TMEM18: variants seen among roughly 807,000 people sequenced by gnomAD.
TMEM18 encodes the protein transmembrane protein 18.
In TMEM18, 14 loss-of-function variants were observed where a neutral mutation model predicts 17.4. The observed-to-expected ratio is 0.80, with a 90% CI of 0.53 to 1.25. TMEM18 has a LOEUF of 1.25. Ranked by LOEUF, TMEM18 falls within the 50% of genes most tolerant of loss-of-function variation. The pLI, the probability that TMEM18 is intolerant of heterozygous loss-of-function variation, is 0.00. For synonymous variants in TMEM18, 86 were observed against 66.1 expected, an observed-to-expected ratio of 1.30 and a Z score of -1.46; for missense variants, 187 against 172.1, an observed-to-expected ratio of 1.09 and a Z score of -0.48.
chr2:669,514 C>T lies in TMEM18; in HGVS notation c.*66G>A, dbSNP rs902642772. The T allele has an allele frequency of 6.0e-6, 9 of 1,507,128 alleles. No homozygotes were observed. In the African/African-American group the frequency reaches 8.3e-5, roughly 14 times the overall value. The allele number at this position is 1,507,128 out of a possible 1,614,324, so 93.4% of individuals were successfully genotyped here. On this transcript the variant is annotated 3_prime_UTR_variant, in exon 5 of 5. Transcript: ENST00000281017. ...GCTGGAAGGATGCCCACGCCACGCA[C>T]ACTGCAGCACTGGGAGCTGCACTGG...
At position 668,661 on chromosome 2, in the gene TMEM18, C is replaced by T. The variant is rs1405251929; in HGVS notation, c.*919G>A. The T allele has an allele frequency of 6.6e-6, 1 of 152,226 alleles. No homozygotes were observed. Among genetic ancestry groups the T allele is most frequent in the African/African-American group, 2.4e-5 (1 of 41,446 alleles). 9.4% of individuals were successfully genotyped at this position (152,226 alleles called of 1,614,324 possible). A position where few individuals can be genotyped will look rare whatever the true frequency, so the allele number is the denominator to read the frequency against. ...TCTCTAACCACCTGTCATTCTTAAA[C>T]TACAGGTCCACATTTGACAGGAACC... is the stretch of plus-strand genomic sequence containing the variant. On this transcript the variant is annotated 3_prime_UTR_variant, in exon 5 of 5. Coordinates refer to ENST00000281017, the MANE Select transcript of TMEM18 (RefSeq NM_152834.4).
chr2:669,661 C>G lies in TMEM18; in HGVS notation c.342G>C (p.Trp114Cys). The G allele has an allele frequency of 6.2e-7, 1 of 1,614,128 alleles. No individual in the cohort carries two copies. Among genetic ancestry groups the G allele is most frequent in the East Asian group, 2.2e-5 (1 of 44,880 alleles). ...GGTCAGTCATCACATTCAAAGTCTT[C>G]CATACCCACATAACCTAAACACAAT... Reference protein sequence around the residue: ...NAMIIVVMWVWKTLNVMTDLK... With the variant: ...NAMIIVVMWVCKTLNVMTDLK... The change falls in exon 5 of 5, where the codon TGG becomes TGC. Residue 114 changes from tryptophan (W) to cysteine (C), a missense_variant. Physicochemically the swap from Trp to Cys is radical, Grantham distance 215. Coordinates refer to ENST00000281017, the MANE Select transcript of TMEM18 (RefSeq NM_152834.4).
At chr2:671,445 G>A (rs34628977) in intron 3 of TMEM18, among the ~76,000 whole-genome samples, 6 of 60,726 alleles carry the variant, frequency 9.9e-5, no homozygotes, top group Admixed American at 1.5e-4. Context: ...CTGCATCCGG[G>A]AGGAGAGGCA....
chr2:673,892 G>T (rs1298552391), intron 2 of TMEM18, among the ~76,000 whole-genome samples: 1 of 150,674 alleles, frequency 6.6e-6, no homozygotes, highest in Admixed American at 6.6e-5. Context: ...GAGGGCTGAC[G>T]TTACAGGGGG....
Position 677,330 on chromosome 2 carries a change from A to G in TMEM18, c.16T>C (p.Ser6Pro), listed in dbSNP as rs145366536. ...ATGCTGACGGGGAAAGAGCTGACAG[A>G]GAAGGCGGACGGCATGGTGTTGGGA... MPSAF[S>P]VSSFPVSIPA... Residue 6 changes from serine (S) to proline (P), a missense_variant, in exon 1 of 5, where the codon TCT becomes CCT. Ser to Pro is a moderately conservative substitution (Grantham distance 74, BLOSUM62 -1). Transcript: ENST00000281017. The G allele has an allele frequency of 6.8e-6, 11 of 1,612,380 alleles. No individual in the cohort carries two copies. The highest frequency in any genetic ancestry group is 8.5e-6 in the Non-Finnish European group (10 of 1,179,854).
Position 669,524 on chromosome 2 carries a change from C to G in TMEM18, c.*56G>C, listed in dbSNP as rs1001039928. On this transcript the variant is annotated 3_prime_UTR_variant, in exon 5 of 5. Coordinates refer to ENST00000281017, the MANE Select transcript of TMEM18 (RefSeq NM_152834.4). Reference sequence around the variant, plus strand: ...TGCCCACGCCACGCACACTGCAGCACTGGGAGCTGCACTGGGTGGACGGGA... The same window carrying G: ...TGCCCACGCCACGCACACTGCAGCAGTGGGAGCTGCACTGGGTGGACGGGA... The G allele has an allele frequency of 1.9e-6, 3 of 1,571,586 alleles. No homozygotes were observed. In the African/African-American group the frequency reaches 4.1e-5, roughly 21 times the overall value.
In TMEM18 at chr2:664,297, A is replaced by C. The variant is rs1678618689; in HGVS notation, c.*5283T>G. On this transcript the variant is annotated 3_prime_UTR_variant, in exon 5 of 5. Coordinates refer to ENST00000281017, the MANE Select transcript of TMEM18 (RefSeq NM_152834.4). ...GGAGGAGGTGGAACCTCAGCTCTTC[A>C]CAGTTCCTGATGATACATAAAGCAA... Among the ~76,000 whole-genome samples, 1 of 152,222 alleles carries C rather than the reference A, an allele frequency of 6.6e-6. No individual in the cohort carries two copies. The highest frequency in any genetic ancestry group is 6.5e-5 in the Admixed American group (1 of 15,288).
chr2:672,962 C>G lies in TMEM18; in HGVS notation c.179-100G>C, dbSNP rs1022229542. 2.6e-6 allele frequency: 3 copies of G among 1,148,912 alleles called. No homozygotes were observed. In the African/African-American group the frequency reaches 4.9e-5, roughly 19 times the overall value. The allele number at this position is 1,148,912 out of a possible 1,614,324, so 71.2% of individuals were successfully genotyped here. A position where few individuals can be genotyped will look rare whatever the true frequency, so the allele number is the denominator to read the frequency against. ...AGCAGAATACTGAATAGAAATGTCA[C>G]TTTAATTTTAAACATAACATCAGGT... On this transcript the variant is annotated intron_variant, in intron 2 of 4. Transcript: ENST00000281017.
rs1190483342 is a variant in TMEM18, at chr2:666,235, C to T, written c.*3345G>A. Among the ~76,000 whole-genome samples, 2 of 152,218 alleles carry T rather than the reference C, an allele frequency of 1.3e-5. No individual in the cohort carries two copies. The highest frequency in any genetic ancestry group is 4.8e-5 in the African/African-American group (2 of 41,456). Reference sequence around the variant, plus strand: ...GGCAGTAGCCCTGAGGCTTACAGAGCAGACCCTATGGCCACATGCTTGGAC... The same window carrying T: ...GGCAGTAGCCCTGAGGCTTACAGAGTAGACCCTATGGCCACATGCTTGGAC... On this transcript the variant is annotated 3_prime_UTR_variant, in exon 5 of 5. Coordinates refer to ENST00000281017, the MANE Select transcript of TMEM18 (RefSeq NM_152834.4).
intron 2 of TMEM18, among the ~76,000 whole-genome samples, chr2:675,209 A>G (rs1373904424): frequency 6.6e-6 from 1 of 152,198 alleles, no homozygotes; most frequent in Non-Finnish European, 1.5e-5. Flanking sequence ...GCCACCAAGG[A>G]CGCATCTTGT....
chr2:673,179 T>C (rs928829645), intron 2 of TMEM18, among the ~76,000 whole-genome samples: 1 of 152,120 alleles, frequency 6.6e-6, no homozygotes, highest in African/African-American at 2.4e-5. Context: ...CCTCACACAT[T>C]TCCCCAGGGA....
intron 1 of TMEM18, 189 bp from the exon 2 acceptor site, chr2:675,819 A>T: frequency 6.5e-7 from 1 of 1,528,884 alleles, no homozygotes; most frequent in Non-Finnish European, 8.8e-7. Context: ...GGGAGAAGGA[A>T]CCAGGAGGAT....
rs1360075055 is a variant in TMEM18 at position 665,191 on chromosome 2, A to G, written c.*4389T>C. 6.6e-6 allele frequency among the ~76,000 whole-genome samples: 1 copy of G among 152,170 alleles called. No homozygotes were observed. The highest frequency in any genetic ancestry group is 1.5e-5 in the Non-Finnish European group (1 of 68,024). On this transcript the variant is annotated 3_prime_UTR_variant, in exon 5 of 5. Coordinates refer to ENST00000281017, the MANE Select transcript of TMEM18 (RefSeq NM_152834.4). ...CTCAGATGGAGCATCACTCCCACATACAACAGAACCCAGAGATGCAGATGC... is the reference window on the plus strand; with the variant it reads ...CTCAGATGGAGCATCACTCCCACATGCAACAGAACCCAGAGATGCAGATGC...
At chr2:673,380 G>C (rs981716519) in intron 2 of TMEM18, among the ~76,000 whole-genome samples, 2 of 152,126 alleles carry the variant, frequency 1.3e-5, no homozygotes, top group Non-Finnish European at 2.9e-5. Flanking sequence ...AGGGAGGGCA[G>C]CAGCTGGTGG....
intron 1 of TMEM18, chr2:676,150 G>C: frequency 7.5e-7 from 1 of 1,330,408 alleles, no homozygotes; most frequent in Non-Finnish European, 9.9e-7. Context: ...TGCAAGACTT[G>C]ATTTTCTCCA....
intron 1 of TMEM18, chr2:676,816 G>C (rs1266323869): frequency 4.3e-5 from 28 of 654,628 alleles, no homozygotes; most frequent in Non-Finnish European, 7.0e-5. Context: ...CCCAAGCCCC[G>C]CCCGCAAGAC....
intron 2 of TMEM18, among the ~76,000 whole-genome samples, chr2:674,470 G>T (rs1678942041): frequency 6.6e-6 from 1 of 152,174 alleles, no homozygotes; most frequent in Admixed American, 6.5e-5. Context: ...TGCAACACTT[G>T]TCACTGTTGA....
intron 1 of TMEM18, chr2:676,556 T>C: frequency 2.6e-6 from 4 of 1,549,958 alleles, no homozygotes; most frequent in Non-Finnish European, 3.5e-6. Context: ...GCGCATCTAC[T>C]CCCATCAATG....
chr2:668,943 T>A lies in TMEM18; in HGVS notation c.*637A>T, dbSNP rs181039702. 6.6e-6 allele frequency: 1 copy of A among 152,424 alleles called. No individual in the cohort carries two copies. Among genetic ancestry groups the A allele is most frequent in the East Asian group, 1.9e-4 (1 of 5,182 alleles). The allele number at this position is 152,424 out of a possible 1,614,324, so 9.4% of individuals were successfully genotyped here. Reference sequence around the variant, plus strand: ...CATCAAACTGAGATACAACGTATTTTCCAAGAGCTTCCTTCCAAGGTCTCT... The same window carrying A: ...CATCAAACTGAGATACAACGTATTTACCAAGAGCTTCCTTCCAAGGTCTCT... On this transcript the variant is annotated 3_prime_UTR_variant, in exon 5 of 5. Transcript: ENST00000281017.
Sources: allele counts gnomAD v4.1 joint callset (sites outside exome capture counted in the v4.1 genomes callset), GRCh38; gene constraint gnomAD v4.1.1; transcripts MANE v1.5; gene names NCBI Gene and HGNC (gene_info 2026-07-23, HGNC 2026-07-21).